Variants in HTR2A observed in about 807,000 individuals in gnomAD.
HTR2A encodes 5-HT2 receptor.
A neutral mutation model predicts 31.0 loss-of-function variants in HTR2A; 14 were observed. That is an observed-to-expected ratio of 0.45 (90% CI 0.30 to 0.71). The LOEUF is 0.71. HTR2A is among the 30% of genes least tolerant of loss of function. HTR2A has a pLI of 0.09. For synonymous variants in HTR2A, 209 were observed against 225.2 expected (o/e 0.93, Z 0.64); for missense variants, 442 against 573.3 (o/e 0.77, Z 2.34).
intron 3 of HTR2A, among the ~76,000 whole-genome samples, chr13:46,852,506 G>T (rs187869856): frequency 4.1e-4 from 63 of 152,368 alleles, no homozygotes; most frequent in Middle Eastern, 3.4e-3. Flanking sequence ...CGCTACAAAA[G>T]TTCTTTGTCA....
At chr13:46,866,339 C>A (rs1289766397) in intron 3 of HTR2A, among the ~76,000 whole-genome samples, 1 of 152,102 alleles carries the variant, frequency 6.6e-6, no homozygotes, top group Non-Finnish European at 1.5e-5. Context: ...CCTCCCTTCT[C>A]TGCCTGCTTC....
chr13:46,868,281 G>A (rs1489685832), intron 3 of HTR2A, among the ~76,000 whole-genome samples: 1 of 152,200 alleles, frequency 6.6e-6, no homozygotes, highest in East Asian at 1.9e-4. Context: ...ATTACTGAAG[G>A]CAGCTATATG....
intron 3 of HTR2A, among the ~76,000 whole-genome samples, chr13:46,866,806 C>A (rs1033755542): frequency 2.6e-5 from 4 of 152,180 alleles, no homozygotes; most frequent in Non-Finnish European, 5.9e-5. Flanking sequence ...GTGGGTGGAT[C>A]ACCTGAGGTC....
intron 3 of HTR2A, among the ~76,000 whole-genome samples, chr13:46,891,595 T>G (rs1477286163): frequency 6.6e-6 from 1 of 152,226 alleles, no homozygotes; most frequent in Non-Finnish European, 1.5e-5. Context: ...ATGCTGGCAC[T>G]GGCGTGGCCA....
At chr13:46,850,837 T>C (rs1000398334) in intron 3 of HTR2A, among the ~76,000 whole-genome samples, 1 of 152,254 alleles carries the variant, frequency 6.6e-6, no homozygotes, top group African/African-American at 2.4e-5. Flanking sequence ...AAGTCTTTAA[T>C]GCACAATGCC....
upstream of HTR2A, among the ~76,000 whole-genome samples, chr13:46,898,060 G>GTA (rs1023942738): frequency 1.3e-5 from 2 of 152,106 alleles, no homozygotes; most frequent in African/African-American, 4.8e-5. Flanking sequence ...TGCTACCTCT[G>GTA]TATGCGTGTT....
At position 46,878,770 on chromosome 13, in the gene HTR2A, A is replaced by G. The variant is rs138484208; in HGVS notation, c.613+13620T>C. ...AGTAACACTAGATGAGTATGTGCATATATGTGTATGTATACACATATGATT... is the reference window on the plus strand; with the variant it reads ...AGTAACACTAGATGAGTATGTGCATGTATGTGTATGTATACACATATGATT... On this transcript the variant is annotated intron_variant, in intron 3 of 3. Coordinates refer to ENST00000542664, the MANE Select transcript of HTR2A (RefSeq NM_000621.5). Among the ~76,000 whole-genome samples, 469 of 152,330 alleles carry G rather than the reference A, an allele frequency of 3.1e-3. 3 individuals are homozygous for G. The highest frequency in any genetic ancestry group is 0.011 in the African/African-American group (444 of 41,564).
chr13:46,842,903 C>T (rs9526238), intron 3 of HTR2A, among the ~76,000 whole-genome samples: 3,866 of 152,254 alleles, frequency 0.025, 62 homozygotes, highest in Non-Finnish European at 0.04. Context: ...TCCATAGCTT[C>T]GGTTACCCAG....
intron 3 of HTR2A, among the ~76,000 whole-genome samples, chr13:46,875,439 T>C (rs977588424): frequency 6.6e-6 from 1 of 152,322 alleles, no homozygotes; most frequent in African/African-American, 2.4e-5. Context: ...TGTTCATCTT[T>C]ACATCTCACC....
chr13:46,850,277 T>C (rs1413163943), intron 3 of HTR2A, among the ~76,000 whole-genome samples: 1 of 152,188 alleles, frequency 6.6e-6, no homozygotes, highest in East Asian at 1.9e-4. Flanking sequence ...AATAACACAA[T>C]CAAATACTTA....
At chr13:46,894,653 G>T (rs1338650565) in intron 2 of HTR2A, among the ~76,000 whole-genome samples, 1 of 152,140 alleles carries the variant, frequency 6.6e-6, no homozygotes, top group African/African-American at 2.4e-5. Flanking sequence ...TGCTGCTTGT[G>T]CCTGTGTCAG....
intron 3 of HTR2A, among the ~76,000 whole-genome samples, chr13:46,882,290 T>C (rs7324343): frequency 0.79 from 119,891 of 151,732 alleles, 47,675 homozygotes; most frequent in African/African-American, 0.88. Flanking sequence ...TAAAAGTATG[T>C]TGTGGTGAAC....
At chr13:46,839,378 A>C (rs1950582417) in intron 3 of HTR2A, among the ~76,000 whole-genome samples, 3 of 152,188 alleles carry the variant, frequency 2.0e-5, no homozygotes, top group African/African-American at 7.2e-5. Context: ...AACTTAGAAC[A>C]CATAGATAGG....
chr13:46,861,710 T>G (rs957178276), intron 3 of HTR2A, among the ~76,000 whole-genome samples: 2 of 152,220 alleles, frequency 1.3e-5, no homozygotes, highest in African/African-American at 4.8e-5. Flanking sequence ...ACAAAAGTTT[T>G]GAGGAGTGGA....
intron 3 of HTR2A, among the ~76,000 whole-genome samples, chr13:46,850,739 G>C (rs933201106): frequency 3.3e-5 from 5 of 152,136 alleles, no homozygotes; most frequent in African/African-American, 1.2e-4. Context: ...TTCTCATTTA[G>C]AGCCATTTAC....
intron 3 of HTR2A, among the ~76,000 whole-genome samples, chr13:46,850,575 A>G (rs1208995923): frequency 2.0e-5 from 3 of 152,172 alleles, no homozygotes; most frequent in Non-Finnish European, 4.4e-5. Context: ...TCCTCACTTC[A>G]GAAAAGTTGC....
At position 46,895,610 on chromosome 13, in the gene HTR2A, C is replaced by T. The variant is rs1951095465; in HGVS notation, c.297G>A (p.Val99=). 1.2e-6 allele frequency: 2 copies of T among 1,614,186 alleles called. No individual in the cohort carries two copies. The highest frequency in any genetic ancestry group is 1.7e-6 in the Non-Finnish European group (2 of 1,180,036). ...CATTCTGCAGCTTTTTCTCTAGGGA[C>T]ACTGCCATGATGACGAGTATGTTTC... ...IAGNILVIMA[V]SLEKKLQNAT... Residue 99 remains valine, a synonymous_variant, in exon 2 of 4, where the codon GTG becomes GTA. Coordinates refer to ENST00000542664, the MANE Select transcript of HTR2A (RefSeq NM_000621.5). This position sits in a 1 kb window ranked among gnomAD's most constrained non-coding sequence, Gnocchi z 4.4.
At chr13:46,858,004 G>A (rs1449066956) in intron 3 of HTR2A, among the ~76,000 whole-genome samples, 3 of 152,160 alleles carry the variant, frequency 2.0e-5, no homozygotes, top group Non-Finnish European at 4.4e-5. Context: ...TAAGCAAGGT[G>A]GGAAATGAGA....
intron 3 of HTR2A, among the ~76,000 whole-genome samples, chr13:46,883,250 A>T (rs1365658957): frequency 6.6e-6 from 1 of 152,136 alleles, no homozygotes; most frequent in Non-Finnish European, 1.5e-5. Context: ...TGAAGGCAAG[A>T]GGTTAGGTCC....
Sources: allele counts gnomAD v4.1 joint callset (sites outside exome capture counted in the v4.1 genomes callset), GRCh38; gene constraint gnomAD v4.1.1; non-coding constraint Gnocchi (gnomAD v3.1); transcripts MANE v1.5; gene names NCBI Gene and HGNC (gene_info 2026-07-23, HGNC 2026-07-21).